Variants in LARGE1 observed in about 807,000 individuals in gnomAD.
The protein encoded by LARGE1 is LARGE xylosyl- and glucuronyltransferase 1.
In LARGE1, 43 loss-of-function variants were observed where a neutral mutation model predicts 87.6. The observed-to-expected ratio is 0.49, with a 90% CI of 0.38 to 0.63. LARGE1 has a LOEUF of 0.63. Among genes scored for constraint, LARGE1 ranks in the 30% least tolerant of loss-of-function variants. The pLI, the probability that LARGE1 is intolerant of heterozygous loss-of-function variation, is 0.00. For missense variants in LARGE1, 802 were observed against 1,000.2 expected (o/e 0.80, Z 2.67); for synonymous variants, 434 against 394.6 (o/e 1.10, Z -1.18).
At chr22:33,697,296 G>A (rs891709219) in intron 2 of LARGE1, among the ~76,000 whole-genome samples, 1 of 152,120 alleles carries the variant, frequency 6.6e-6, no homozygotes. Context: ...GTCCGTAAGG[G>A]AGCAGCCACC....
chr22:33,077,530 A>G, the LARGE1 span, among the ~76,000 whole-genome samples: 1 of 152,206 alleles, frequency 6.6e-6, no homozygotes, highest in South Asian at 2.1e-4. Flanking sequence ...ATTTTCTATA[A>G]GTGATCAAGT....
intron 4 of LARGE1, among the ~76,000 whole-genome samples, chr22:33,619,119 G>A (rs1234549902): frequency 6.6e-6 from 1 of 152,168 alleles, no homozygotes; most frequent in Non-Finnish European, 1.5e-5. Context: ...CATTCTTTGA[G>A]TGTCCGTGTG....
intron 10 of LARGE1, among the ~76,000 whole-genome samples, chr22:33,320,603 A>C (rs1333352829): frequency 6.6e-6 from 1 of 152,220 alleles, no homozygotes; most frequent in African/African-American, 2.4e-5. Flanking sequence ...GCATGCCTGA[A>C]AAATATTTGC....
chr22:33,144,318 T>C, the LARGE1 span, among the ~76,000 whole-genome samples: 1 of 152,128 alleles, frequency 6.6e-6, no homozygotes, highest in African/African-American at 2.4e-5. Context: ...TAATTGTGTT[T>C]CCCAAGACAA....
intron 10 of LARGE1, 105 bp downstream of exon 10, chr22:33,337,541 C>A: frequency 7.2e-7 from 1 of 1,392,110 alleles, no homozygotes; most frequent in Non-Finnish European, 1.0e-6. Context: ...GTTGTGTTCA[C>A]CTAGGTCCTG....
chr22:33,339,589 G>A (rs1205479006), intron 9 of LARGE1, among the ~76,000 whole-genome samples: 2 of 152,026 alleles, frequency 1.3e-5, no homozygotes, highest in African/African-American at 4.8e-5. Context: ...TTAAGAGTCC[G>A]CTGTAACTTC....
the LARGE1 span, among the ~76,000 whole-genome samples, chr22:33,116,952 T>C: frequency 6.6e-6 from 1 of 152,158 alleles, no homozygotes; most frequent in Non-Finnish European, 1.5e-5. Context: ...TCACAACTAA[T>C]CTTTGTATGC....
Position 33,910,092 on chromosome 22 carries a change from C to T in LARGE1, c.-83+9903G>A, listed in dbSNP as rs201213779. ...GTGCACACATCCATTCACTACACTG[C>T]TACCTCCTTTCTATTGTTGCTCGTA... On this transcript the variant is annotated intron_variant, in intron 1 of 14. Coordinates refer to ENST00000397394, the MANE Select transcript of LARGE1 (RefSeq NM_133642.5). Among the ~76,000 whole-genome samples the T allele has an allele frequency of 7.2e-5, 11 of 152,314 alleles. No individual in the cohort carries two copies. The East Asian group carries it at 2.1e-3, about 29-fold the overall frequency.
chr22:33,180,548 T>C (rs1923108079), intron 11 of LARGE1, among the ~76,000 whole-genome samples: 1 of 152,212 alleles, frequency 6.6e-6, no homozygotes, highest in South Asian at 2.1e-4. Flanking sequence ...TGTAATCATA[T>C]AACCCAGCCA....
intron 1 of LARGE1, among the ~76,000 whole-genome samples, chr22:33,877,476 C>T (rs367869335): frequency 7.9e-5 from 12 of 152,254 alleles, no homozygotes; most frequent in African/African-American, 2.6e-4. Context: ...TGACTTTGGG[C>T]AAGTTTCTTA....
intron 2 of LARGE1, among the ~76,000 whole-genome samples, chr22:33,725,293 G>A (rs2083236333): frequency 2.0e-5 from 3 of 152,210 alleles, no homozygotes; most frequent in Admixed American, 6.5e-5. Context: ...TGGGAGGCAG[G>A]AGCACAGAGG....
intron 2 of LARGE1, among the ~76,000 whole-genome samples, chr22:33,680,361 A>G (rs1177695557): frequency 6.6e-6 from 1 of 151,962 alleles, no homozygotes; most frequent in African/African-American, 2.4e-5. Context: ...TTGATGCACA[A>G]ATTTGTATTG....
chr22:33,735,262 G>A (rs1028516324), intron 2 of LARGE1, among the ~76,000 whole-genome samples: 1 of 152,124 alleles, frequency 6.6e-6, no homozygotes, highest in African/African-American at 2.4e-5. Flanking sequence ...CTAGGGACTC[G>A]AAGCCTTTTT....
At chr22:33,794,713 G>A (rs974601931) in intron 1 of LARGE1, among the ~76,000 whole-genome samples, 20 of 151,394 alleles carry the variant, frequency 1.3e-4, no homozygotes, top group Non-Finnish European at 2.5e-4. Flanking sequence ...CTCCGCTCCC[G>A]GGTTCAAGCA....
the LARGE1 span, among the ~76,000 whole-genome samples, chr22:33,075,652 C>A: frequency 6.6e-6 from 1 of 152,180 alleles, no homozygotes; most frequent in African/African-American, 2.4e-5. Flanking sequence ...AGATTTATGA[C>A]AATTCTTATT....
At chr22:33,128,689 AAAAAAAAAG>A in the LARGE1 span, among the ~76,000 whole-genome samples, 3 of 144,066 alleles carry the variant, frequency 2.1e-5, no homozygotes, top group Non-Finnish European at 4.5e-5. Flanking sequence ...ACAAAAAAAA[AAAAAAAAAG>A]AAAAAGAAAA....
At chr22:33,804,513 G>A (rs558915770) in intron 1 of LARGE1, among the ~76,000 whole-genome samples, 2 of 152,192 alleles carry the variant, frequency 1.3e-5, no homozygotes, top group Non-Finnish European at 2.9e-5. Context: ...GGCTGCAAGA[G>A]ATCCACAGTT....
intron 1 of LARGE1, among the ~76,000 whole-genome samples, chr22:33,843,770 T>C (rs1660918756): frequency 6.6e-6 from 1 of 152,186 alleles, no homozygotes; most frequent in Admixed American, 6.5e-5. Flanking sequence ...TGTGCAACTC[T>C]GTTCCCACAG....
At chr22:33,759,654 T>C (rs1235436962) in intron 2 of LARGE1, among the ~76,000 whole-genome samples, 2 of 152,218 alleles carry the variant, frequency 1.3e-5, no homozygotes, top group Non-Finnish European at 2.9e-5. Context: ...GTCCTTGTTA[T>C]ACCATTATTA....
Sources: gnomAD v4.1 joint callset for allele counts (sites outside exome capture counted in the v4.1 genomes callset) on GRCh38, gnomAD v4.1.1 for gene constraint, MANE v1.5 for transcripts, NCBI Gene and HGNC (gene_info 2026-07-23, HGNC 2026-07-21) for gene names.